The following PLEKHA7 variants were observed in gnomAD, a reference collection of about 807,000 sequenced individuals.
PLEKHA7 encodes the protein pleckstrin homology domain-containing family A member 7.
PLEKHA7 carries 104 observed loss-of-function variants against 170.0 expected under a neutral mutation model. That is an observed-to-expected ratio of 0.61 (90% CI 0.52 to 0.72). PLEKHA7 has a LOEUF of 0.72. Among genes scored for constraint, PLEKHA7 ranks in the 30% least tolerant of loss-of-function variants. The probability of loss-of-function intolerance (pLI) is 0.00; values close to 1 mark genes in which losing one functional copy is unlikely to be tolerated. For missense variants in PLEKHA7, 1,615 were observed against 1,671.7 expected, an observed-to-expected ratio of 0.97 and a Z score of 0.59; for synonymous variants, 648 against 660.8, an observed-to-expected ratio of 0.98 and a Z score of 0.30.
chr11:16,919,457 T>C (rs1213279655), intron 3 of PLEKHA7, among the ~76,000 whole-genome samples: 1 of 152,022 alleles, frequency 6.6e-6, no homozygotes, highest in African/African-American at 2.4e-5. Flanking sequence ...GGAGGATCAC[T>C]TGAGGCCAGG....
At chr11:16,865,696 C>CA (rs11443444) in intron 4 of PLEKHA7, among the ~76,000 whole-genome samples, 24,974 of 151,020 alleles carry the variant, frequency 0.17, 2,559 homozygotes, top group Non-Finnish European at 0.24. Flanking sequence ...GACACCATCT[C>CA]AAAAAAAAGA....
At chr11:16,928,245 G>A (rs1415712780) in intron 3 of PLEKHA7, among the ~76,000 whole-genome samples, 1 of 152,156 alleles carries the variant, frequency 6.6e-6, no homozygotes, top group East Asian at 1.9e-4. Flanking sequence ...AGGAGCTTGA[G>A]GTTGCAGCGA....
chr11:16,994,052 G>T (rs7122666), intron 3 of PLEKHA7, among the ~76,000 whole-genome samples: 2,065 of 152,278 alleles, frequency 0.014, 61 homozygotes, highest in African/African-American at 0.046. Flanking sequence ...AACTGGGGAC[G>T]ATACACACAT....
At chr11:16,949,266 G>C (rs1861257173) in intron 3 of PLEKHA7, among the ~76,000 whole-genome samples, 1 of 152,148 alleles carries the variant, frequency 6.6e-6, no homozygotes, top group Non-Finnish European at 1.5e-5. Flanking sequence ...CATCTCCCCT[G>C]CAGGTGGGAA....
chr11:16,781,140 G>A, intron 26 of PLEKHA7: 3 of 459,560 alleles, frequency 6.5e-6, no homozygotes, highest in Non-Finnish European at 8.6e-6. Flanking sequence ...AGGCTGGGGT[G>A]GCATGGGCCC....
At chr11:16,822,876 G>T (rs931683907) in intron 10 of PLEKHA7, among the ~76,000 whole-genome samples, 13 of 152,182 alleles carry the variant, frequency 8.5e-5, no homozygotes, top group African/African-American at 3.1e-4. Context: ...GGGGACCAAG[G>T]CCTCACCAAA....
At chr11:16,901,714 C>A (rs1379729028) in intron 3 of PLEKHA7, among the ~76,000 whole-genome samples, 1 of 151,930 alleles carries the variant, frequency 6.6e-6, no homozygotes. Flanking sequence ...ACAAAAAATA[C>A]AAAAAAATTA....
At chr11:16,918,599 G>A (rs1364784550) in intron 3 of PLEKHA7, among the ~76,000 whole-genome samples, 1 of 152,176 alleles carries the variant, frequency 6.6e-6, no homozygotes, top group Non-Finnish European at 1.5e-5. Context: ...TTTTCACTAA[G>A]GGTTGGCTCC....
chr11:16,962,157 A>G (rs1309602218), intron 3 of PLEKHA7, among the ~76,000 whole-genome samples: 2 of 152,252 alleles, frequency 1.3e-5, no homozygotes, highest in Non-Finnish European at 2.9e-5. Context: ...TGACTGATGT[A>G]CATGGTGGCA....
chr11:16,854,831 A>C, intron 6 of PLEKHA7, 58 bp downstream of exon 6: 3 of 1,472,542 alleles, frequency 2.0e-6, no homozygotes, highest in Non-Finnish European at 2.8e-6. Flanking sequence ...TGCCTGGGAA[A>C]GGAGAGAACT....
chr11:17,005,632 C>T (rs1864942686), intron 3 of PLEKHA7, among the ~76,000 whole-genome samples: 1 of 152,202 alleles, frequency 6.6e-6, no homozygotes, highest in Admixed American at 6.5e-5. Context: ...CTCTTCCCAA[C>T]CCAGCATCTG....
In PLEKHA7 at chr11:16,816,969, A is replaced by C; in HGVS notation, c.1697T>G (p.Val566Gly). 1.9e-6 allele frequency: 3 copies of C among 1,610,546 alleles called. No individual in the cohort carries two copies. The highest frequency in any genetic ancestry group is 2.5e-6 in the Non-Finnish European group (3 of 1,178,176). Reference protein sequence around the residue: ...SMLEVPRSISVPPSPSDIPPP... With the variant: ...SMLEVPRSISGPPSPSDIPPP... ...AGGGATGTCCGAGGGAGATGGAGGC[A>C]CAGAGATGGAGCGGGGCACCTCTAG... is the stretch of plus-strand genomic sequence containing the variant. The change falls in exon 11 of 27, where the codon GTG (valine) becomes GGG (glycine). Residue 566 changes from valine to glycine, a missense_variant. By Grantham distance (109) the Val-to-Gly change is moderately radical. Coordinates refer to ENST00000531066, the MANE Select transcript of PLEKHA7 (RefSeq NM_001329630.2).
chr11:16,817,436 C>A lies in PLEKHA7; in HGVS notation c.1344-114G>T. ...GGCATGTGGGACAGTCCTGTAAGAA[C>A]CTCAAAAGAATGATCAAGGCCGACA... On this transcript the variant is annotated intron_variant, in intron 10 of 26. Transcript: ENST00000531066. The surrounding 1 kb of genome is among the most constrained non-coding windows in gnomAD (Gnocchi z 4.4). The A allele has an allele frequency of 9.2e-7, 1 of 1,086,094 alleles. No homozygotes were observed. Among genetic ancestry groups the A allele is most frequent in the Non-Finnish European group, 1.3e-6 (1 of 783,984 alleles). 67.3% of individuals were successfully genotyped at this position (1,086,094 alleles called of 1,614,324 possible). A position where few individuals can be genotyped will look rare whatever the true frequency, so the allele number is the denominator to read the frequency against.
At chr11:16,902,230 T>G (rs755693472) in intron 3 of PLEKHA7, among the ~76,000 whole-genome samples, 7 of 152,236 alleles carry the variant, frequency 4.6e-5, no homozygotes, top group Admixed American at 1.3e-4. Context: ...CACCACATTT[T>G]ATTTATCCAC....
intron 3 of PLEKHA7, among the ~76,000 whole-genome samples, chr11:16,913,531 A>C (rs972347429): frequency 6.6e-6 from 1 of 152,230 alleles, no homozygotes; most frequent in South Asian, 2.1e-4. Flanking sequence ...GAGGTGAACA[A>C]GGCTGCCTGC....
intron 3 of PLEKHA7, among the ~76,000 whole-genome samples, chr11:16,920,725 G>A (rs1375735596): frequency 6.6e-6 from 1 of 152,196 alleles, no homozygotes; most frequent in African/African-American, 2.4e-5. Context: ...AAAGTGACAG[G>A]AACTATGCCC....
At chr11:16,933,707 C>T (rs1293380679) in intron 3 of PLEKHA7, among the ~76,000 whole-genome samples, 1 of 152,126 alleles carries the variant, frequency 6.6e-6, no homozygotes, top group East Asian at 1.9e-4. Flanking sequence ...GAGGAAAAGT[C>T]ACAAAGCCAG....
chr11:16,811,322 C>A (rs569244717), intron 13 of PLEKHA7, among the ~76,000 whole-genome samples: 3 of 152,340 alleles, frequency 2.0e-5, no homozygotes, highest in South Asian at 2.1e-4. Flanking sequence ...GTGCTGCTGG[C>A]ATGCCAGGCC....
At chr11:16,889,420 A>AAAAAATAT (rs61086849) in intron 3 of PLEKHA7, among the ~76,000 whole-genome samples, 8 of 74,684 alleles carry the variant, frequency 1.1e-4, no homozygotes, top group Non-Finnish European at 1.7e-4. Context: ...AAAAAAAAAA[A>AAAAAATAT]ATATATATAT....
Sources: gnomAD v4.1 joint callset for allele counts (sites outside exome capture counted in the v4.1 genomes callset) on GRCh38, gnomAD v4.1.1 for gene constraint, Gnocchi (gnomAD v3.1) non-coding constraint, MANE v1.5 for transcripts, NCBI Gene and HGNC (gene_info 2026-07-23, HGNC 2026-07-21) for gene names.